The following PDE10A variants were observed in gnomAD, a reference collection of about 807,000 sequenced individuals.
The protein encoded by PDE10A is cAMP and cAMP-inhibited cGMP 3',5'-cyclic phosphodiesterase 10A.
Under a neutral mutation model 97.7 loss-of-function variants are expected in PDE10A, and 39 were observed. The ratio of observed to expected loss-of-function variants is 0.40; its 90% CI spans 0.31 to 0.52. The LOEUF is 0.52. PDE10A is among the 20% of genes least tolerant of loss of function. The probability of loss-of-function intolerance (pLI) is 0.56; values close to 1 mark genes in which losing one functional copy is unlikely to be tolerated. For missense variants in PDE10A, 731 were observed against 1,047.8 expected, an observed-to-expected ratio of 0.70 and a Z score of 4.17; for synonymous variants, 371 against 376.8, an observed-to-expected ratio of 0.98 and a Z score of 0.18.
chr6:165,363,483 C>G (rs942312202), intron 18 of PDE10A, among the ~76,000 whole-genome samples: 1 of 151,498 alleles, frequency 6.6e-6, no homozygotes, highest in African/African-American at 2.4e-5. Flanking sequence ...CCACTGCACT[C>G]CCAGCCTGGG....
intron 1 of PDE10A, among the ~76,000 whole-genome samples, chr6:165,688,575 A>G (rs1255073743): frequency 1.3e-5 from 2 of 152,168 alleles, no homozygotes; most frequent in Non-Finnish European, 2.9e-5. Context: ...CTGATTCGCA[A>G]CTGTTGGTGT....
chr6:165,735,457 G>C (rs1792552457), intron 1 of PDE10A, among the ~76,000 whole-genome samples: 1 of 152,052 alleles, frequency 6.6e-6, no homozygotes, highest in South Asian at 2.1e-4. Flanking sequence ...TAGGTAGATA[G>C]GTAGGTGGGT....
intron 18 of PDE10A, among the ~76,000 whole-genome samples, chr6:165,353,001 A>C (rs1182768243): frequency 6.6e-6 from 1 of 152,224 alleles, no homozygotes; most frequent in Admixed American, 6.5e-5. Flanking sequence ...AACAATAAGA[A>C]AACACCCAAA....
At chr6:165,450,578 T>A (rs887059586) in intron 3 of PDE10A, among the ~76,000 whole-genome samples, 1 of 152,052 alleles carries the variant, frequency 6.6e-6, no homozygotes, top group Non-Finnish European at 1.5e-5. Flanking sequence ...TTATTTATTT[T>A]GAGACAGGGT....
chr6:165,851,132 T>C (rs1435912158), intron 1 of PDE10A, among the ~76,000 whole-genome samples: 1 of 152,238 alleles, frequency 6.6e-6, no homozygotes, highest in Non-Finnish European at 1.5e-5. Context: ...CTACCTAATA[T>C]AGATAATTAT....
At chr6:165,585,714 C>T (rs1785869578) in intron 1 of PDE10A, among the ~76,000 whole-genome samples, 1 of 152,146 alleles carries the variant, frequency 6.6e-6, no homozygotes, top group South Asian at 2.1e-4. Context: ...AGAGAATGCA[C>T]TTCTGTTGTT....
At chr6:165,381,299 T>C (rs1784907259) in intron 17 of PDE10A, among the ~76,000 whole-genome samples, 1 of 152,200 alleles carries the variant, frequency 6.6e-6, no homozygotes, top group Admixed American at 6.5e-5. Flanking sequence ...AGATTTATTT[T>C]AAAGAATGTA....
At chr6:165,863,609 T>C (rs764205867) in intron 1 of PDE10A, among the ~76,000 whole-genome samples, 7 of 152,232 alleles carry the variant, frequency 4.6e-5, no homozygotes, top group Non-Finnish European at 1.0e-4. Flanking sequence ...AAAAGTTCCT[T>C]GGCGCTAATT....
Position 165,682,939 on chromosome 6 carries a change from C to A in PDE10A, c.-614-139371G>T, listed in dbSNP as rs371343731. Reference sequence around the variant, plus strand: ...TTTGCCCCCACAGACACCTAAACTTCTCTCCATCATGTCATTCAACTTGTG... The same window carrying A: ...TTTGCCCCCACAGACACCTAAACTTATCTCCATCATGTCATTCAACTTGTG... On this transcript the variant is annotated intron_variant, in intron 1 of 19. Transcript: ENST00000366882. Among the ~76,000 whole-genome samples, 4 of 152,194 alleles carry A rather than the reference C, an allele frequency of 2.6e-5. No homozygotes were observed. The East Asian group carries it at 7.7e-4, about 29-fold the overall frequency.
At chr6:165,817,740 G>A (rs138127423) in intron 1 of PDE10A, among the ~76,000 whole-genome samples, 9 of 152,266 alleles carry the variant, frequency 5.9e-5, no homozygotes, top group Middle Eastern at 3.4e-3. Context: ...TTGTAGCGTT[G>A]ACTGTCAATG....
chr6:165,765,783 C>G (rs1583057639), intron 1 of PDE10A, among the ~76,000 whole-genome samples: 1 of 152,238 alleles, frequency 6.6e-6, no homozygotes, highest in South Asian at 2.1e-4. Flanking sequence ...AAAGTGGGAG[C>G]CCAGGCAGAG....
At chr6:165,978,336 A>C (rs776361) in intron 1 of PDE10A, among the ~76,000 whole-genome samples, 146,158 of 152,314 alleles carry the variant, frequency 0.96, 70,189 homozygotes, top group East Asian at 1. Flanking sequence ...ACATTTTGCA[A>C]CTTTAGGCAG....
At chr6:165,815,912 G>T (rs1779396505) in intron 1 of PDE10A, among the ~76,000 whole-genome samples, 1 of 152,008 alleles carries the variant, frequency 6.6e-6, no homozygotes, top group South Asian at 2.1e-4. Flanking sequence ...TGACACGATT[G>T]TCCCCTTCTT....
chr6:165,757,338 C>T (rs1793140722), intron 1 of PDE10A, among the ~76,000 whole-genome samples: 2 of 151,720 alleles, frequency 1.3e-5, no homozygotes, highest in African/African-American at 4.8e-5. Context: ...TCAGCCATTG[C>T]CTTTTACTTT....
chr6:165,897,806 A>T (rs1781997743), intron 1 of PDE10A, among the ~76,000 whole-genome samples: 1 of 151,850 alleles, frequency 6.6e-6, no homozygotes, highest in African/African-American at 2.4e-5. Flanking sequence ...TTTCTGGTAC[A>T]TCCCCAGAAG....
chr6:165,474,838 A>G (rs1779205294), intron 3 of PDE10A, among the ~76,000 whole-genome samples: 1 of 152,246 alleles, frequency 6.6e-6, no homozygotes, highest in South Asian at 2.1e-4. Context: ...ACTAGACTCC[A>G]TAAGGAAAAA....
At position 165,379,255 on chromosome 6, in the gene PDE10A, T is replaced by A; in HGVS notation, c.2722A>T (p.Arg908Trp). The A allele has an allele frequency of 1.2e-6, 2 of 1,613,842 alleles. No individual in the cohort carries two copies. Among genetic ancestry groups the A allele is most frequent in the Non-Finnish European group, 1.7e-6 (2 of 1,179,750 alleles). ...TGGTACATCTCTTCCAACTGCTTCC[T>A]GTTTCCAAAGTATAAAGCAAGGTCT... ...ATDLALYFGN[R>W]KQLEEMYQTG... Residue 908 changes from arginine (R) to tryptophan (W), a missense_variant, in exon 18 of 22, where the codon AGG (arginine) becomes TGG (tryptophan). Coordinates refer to ENST00000539869, the MANE Select transcript of PDE10A (RefSeq NM_001385079.1).
At chr6:165,817,379 G>A (rs1289018456) in intron 1 of PDE10A, among the ~76,000 whole-genome samples, 1 of 152,114 alleles carries the variant, frequency 6.6e-6, no homozygotes, top group Non-Finnish European at 1.5e-5. Flanking sequence ...GGGCCGCAGG[G>A]TCGGGGAGGA....
chr6:165,667,011 C>T (rs1038995999), upstream of PDE10A, among the ~76,000 whole-genome samples: 3 of 152,072 alleles, frequency 2.0e-5, no homozygotes, highest in African/African-American at 7.2e-5. Context: ...GACATCTTGA[C>T]CAAAGTAAGG....
Sources: allele counts gnomAD v4.1 joint callset (sites outside exome capture counted in the v4.1 genomes callset), GRCh38; gene constraint gnomAD v4.1.1; transcripts MANE v1.5; gene names NCBI Gene and HGNC (gene_info 2026-07-23, HGNC 2026-07-21).